Variants in SGCZ observed in about 807,000 individuals in gnomAD.
The protein encoded by SGCZ is sarcoglycan zeta, also known as zeta-sarcoglycan.
Under a neutral mutation model 41.3 loss-of-function variants are expected in SGCZ, and 40 were observed. That is an observed-to-expected ratio of 0.97 (90% CI 0.75 to 1.26). The LOEUF is 1.26. SGCZ is among the 50% of genes most tolerant of loss of function. The pLI is 0.00. For synonymous variants in SGCZ, 206 were observed against 137.5 expected, an observed-to-expected ratio of 1.50 and a Z score of -3.49; for missense variants, 552 against 369.8, an observed-to-expected ratio of 1.49 and a Z score of -4.04.
intron 1 of SGCZ, among the ~76,000 whole-genome samples, chr8:14,741,723 T>G (rs1799203645): frequency 6.6e-6 from 1 of 152,044 alleles, no homozygotes; most frequent in Non-Finnish European, 1.5e-5. Context: ...TTTCCAAAAG[T>G]ATGTCTGAAA....
At position 14,249,786 on chromosome 8, in the gene SGCZ, G is replaced by A. The variant is rs1384211687; in HGVS notation, c.337-12107C>T. Among the ~76,000 whole-genome samples, 3 of 152,070 alleles carry A rather than the reference G, an allele frequency of 2.0e-5. No homozygotes were observed. The South Asian group carries it at 6.2e-4, about 31-fold the overall frequency. On this transcript the variant is annotated intron_variant, in intron 3 of 7. Transcript: ENST00000382080. ...GATTACTTTTTCAAATGACTGGAGC[G>A]ATTTCAAACTTCTGACATTTTTCTA...
chr8:14,487,986 G>C (rs115847014), intron 2 of SGCZ: 82 of 68,096 alleles, frequency 1.2e-3, no homozygotes, highest in African/African-American at 4.3e-3. Context: ...GGAAACCTCA[G>C]TGGTTAATCA....
intron 1 of SGCZ, among the ~76,000 whole-genome samples, chr8:14,983,192 C>CTT (rs66885648): frequency 4.4e-5 from 6 of 135,296 alleles, no homozygotes; most frequent in African/African-American, 1.6e-4. Context: ...TTTCTTTTTT[C>CTT]TTTTTTTTTT....
At chr8:14,157,276 A>T (rs1012115910) in intron 5 of SGCZ, among the ~76,000 whole-genome samples, 2 of 148,846 alleles carry the variant, frequency 1.3e-5, no homozygotes, top group African/African-American at 4.9e-5. Flanking sequence ...ATATATATAA[A>T]ATGTATATAC....
intron 1 of SGCZ, among the ~76,000 whole-genome samples, chr8:14,851,695 T>C (rs1167780723): frequency 6.6e-6 from 1 of 152,194 alleles, no homozygotes; most frequent in Non-Finnish European, 1.5e-5. Flanking sequence ...AATCCATTTA[T>C]AGAACATGAT....
chr8:14,704,259 T>C (rs530643547), intron 1 of SGCZ, among the ~76,000 whole-genome samples: 1 of 152,120 alleles, frequency 6.6e-6, no homozygotes, highest in South Asian at 2.1e-4. Flanking sequence ...ATGTTGAGTG[T>C]TCAAAATGCT....
At chr8:14,479,643 CA>C (rs1194622954) in intron 2 of SGCZ, among the ~76,000 whole-genome samples, 1 of 150,052 alleles carries the variant, frequency 6.7e-6, no homozygotes, top group African/African-American at 2.5e-5. Flanking sequence ...TCCTTCACAT[CA>C]AAAAACAACA....
chr8:15,238,406 G>C lies in SGCZ; in HGVS notation c.-783C>G, dbSNP rs961004314. On this transcript the variant is annotated 5_prime_UTR_variant, in exon 1 of 8. Transcript: ENST00000382080. ...CCTTCACCACCAGGTGACTGACTTC[G>C]CTTCTCTCTTCCCACAGCCAACACT... 2 of 152,172 alleles carry C rather than the reference G, an allele frequency of 1.3e-5. No individual in the cohort carries two copies. The highest frequency in any genetic ancestry group is 4.8e-5 in the African/African-American group (2 of 41,426). 9.4% of individuals were successfully genotyped at this position (152,172 alleles called of 1,614,324 possible). A position where few individuals can be genotyped will look rare whatever the true frequency, so the allele number is the denominator to read the frequency against.
At chr8:15,163,390 T>G (rs1275837898) in intron 1 of SGCZ, among the ~76,000 whole-genome samples, 1 of 152,200 alleles carries the variant, frequency 6.6e-6, no homozygotes, top group African/African-American at 2.4e-5. Flanking sequence ...TTAGAAGCCA[T>G]GCTGTTTACC....
At position 14,241,686 on chromosome 8, in the gene SGCZ, C is replaced by T. The variant is rs375296338; in HGVS notation, c.337-4007G>A. Among the ~76,000 whole-genome samples the T allele has an allele frequency of 1.6e-4, 25 of 151,968 alleles. No individual in the cohort carries two copies. In the South Asian group the frequency reaches 4.6e-3, roughly 28 times the overall value. On this transcript the variant is annotated intron_variant, in intron 3 of 7. Coordinates refer to ENST00000382080, the MANE Select transcript of SGCZ (RefSeq NM_139167.4). ...TGCCTCTAGCTCTAGAGGACATATC[C>T]GCCTTCTTATGTCACTCTTTAGACA...
At chr8:14,190,761 C>G (rs963150956) in intron 4 of SGCZ, among the ~76,000 whole-genome samples, 1 of 151,964 alleles carries the variant, frequency 6.6e-6, no homozygotes, top group Admixed American at 6.6e-5. Flanking sequence ...CTCCACCACG[C>G]CCGGCTAATT....
At chr8:15,079,730 A>G (rs935420558) in intron 1 of SGCZ, among the ~76,000 whole-genome samples, 1 of 152,160 alleles carries the variant, frequency 6.6e-6, no homozygotes, top group Non-Finnish European at 1.5e-5. Flanking sequence ...CATCATATTT[A>G]TTTAGAATTC....
chr8:14,232,125 T>C (rs925684409), intron 4 of SGCZ, among the ~76,000 whole-genome samples: 3 of 88,498 alleles, frequency 3.4e-5, no homozygotes, highest in Non-Finnish European at 6.5e-5. Flanking sequence ...ATCAAACAAA[T>C]CTTCTTTCAT....
At chr8:14,633,450 T>C (rs1343901956) in intron 1 of SGCZ, among the ~76,000 whole-genome samples, 1 of 152,022 alleles carries the variant, frequency 6.6e-6, no homozygotes, top group Non-Finnish European at 1.5e-5. Flanking sequence ...ATAACAAGCA[T>C]GAAATAAGTT....
chr8:14,238,762 G>A (rs149544771), intron 3 of SGCZ, among the ~76,000 whole-genome samples: 381 of 151,842 alleles, frequency 2.5e-3, no homozygotes, highest in African/African-American at 8.6e-3. Context: ...GGGACATTTC[G>A]GTGATCAAAA....
In SGCZ at chr8:15,234,082, C is replaced by T. The variant is rs1474273898; in HGVS notation, c.39+3503G>A. ...ATAGACTTTATTATAACTGTTTATT[C>T]AGCCTCAATGTCTCCTATGAGTAAA... On this transcript the variant is annotated intron_variant, in intron 1 of 7. Coordinates refer to ENST00000382080, the MANE Select transcript of SGCZ (RefSeq NM_139167.4). Among the ~76,000 whole-genome samples, 3 of 152,140 alleles carry T rather than the reference C, an allele frequency of 2.0e-5. No individual in the cohort carries two copies. The East Asian group carries it at 5.8e-4, about 29-fold the overall frequency.
intron 1 of SGCZ, among the ~76,000 whole-genome samples, chr8:15,064,771 G>A (rs539674965): frequency 2.6e-5 from 4 of 152,100 alleles, no homozygotes; most frequent in Non-Finnish European, 4.4e-5. Flanking sequence ...TTGAAACTGA[G>A]CTCCCATCTC....
At chr8:14,276,011 A>G (rs546239360) in intron 3 of SGCZ, among the ~76,000 whole-genome samples, 1 of 152,314 alleles carries the variant, frequency 6.6e-6, no homozygotes, top group East Asian at 1.9e-4. Flanking sequence ...TAGGGGACAT[A>G]TATCACCTTC....
At chr8:15,094,279 C>A (rs1397172522) in intron 1 of SGCZ, among the ~76,000 whole-genome samples, 1 of 152,040 alleles carries the variant, frequency 6.6e-6, no homozygotes, top group East Asian at 1.9e-4. Flanking sequence ...AGATTACAGG[C>A]GTGCACCACC....
Sources: allele counts gnomAD v4.1 joint callset (sites outside exome capture counted in the v4.1 genomes callset), GRCh38; gene constraint gnomAD v4.1.1; transcripts MANE v1.5; gene names NCBI Gene and HGNC (gene_info 2026-07-23, HGNC 2026-07-21).